The following GRIP1 variants were observed in gnomAD, a reference collection of about 807,000 sequenced individuals.
GRIP1 encodes glutamate receptor interacting protein 1, also known as glutamate receptor-interacting protein 1.
In GRIP1, 45 loss-of-function variants were observed where a neutral mutation model predicts 129.9. The observed-to-expected ratio is 0.35, with a 90% CI of 0.27 to 0.44. GRIP1 has a LOEUF of 0.44. Among genes scored for constraint, GRIP1 ranks in the 20% least tolerant of loss-of-function variants. GRIP1 has a pLI of 1.00. For synonymous variants in GRIP1, 530 were observed against 520.8 expected (o/e 1.02, Z -0.24); for missense variants, 1,196 against 1,396.8 (o/e 0.86, Z 2.29).
intron 2 of GRIP1, among the ~76,000 whole-genome samples, chr12:66,595,145 G>A (rs1436934878): frequency 1.3e-5 from 2 of 152,094 alleles, no homozygotes; most frequent in Non-Finnish European, 2.9e-5. Flanking sequence ...TTCTATCAAT[G>A]GTCAAGCTCC....
intron 17 of GRIP1, among the ~76,000 whole-genome samples, chr12:66,393,169 ATTTTTTTTTTTTT>A (rs60982107): frequency 1.3e-4 from 10 of 78,844 alleles, no homozygotes; most frequent in African/African-American, 4.9e-4. Flanking sequence ...CTTTCTACAG[ATTTTTTTTTTTTT>A]TTTTTTTTTT....
intron 1 of GRIP1, among the ~76,000 whole-genome samples, chr12:66,995,181 T>TA (rs545872322): frequency 0.044 from 6,108 of 139,132 alleles, 360 homozygotes; most frequent in African/African-American, 0.14. Flanking sequence ...TCATGCCATC[T>TA]AAAAAAAAAA....
chr12:66,887,690 TAAGA>T lies in GRIP1; in HGVS notation c.58+181356_58+181359del, dbSNP rs777015400. On this transcript the variant is annotated intron_variant, in intron 1 of 1. Coordinates refer to the GRIP1 transcript ENST00000643019. The stretch of plus-strand genomic sequence containing the variant: ...TTCTATTCTAAAATACAAAATCTCT[TAAGA>T]AACTAACCTCTAAGAAATGATTATA... Among the ~76,000 whole-genome samples the T allele has an allele frequency of 2.1e-3, 321 of 152,354 alleles. 1 individual carries two copies. The highest frequency in any genetic ancestry group is 3.6e-3 in the Non-Finnish European group (242 of 68,024).
intron 5 of GRIP1, among the ~76,000 whole-genome samples, chr12:66,524,992 T>C (rs1381486497): frequency 4.6e-5 from 7 of 152,118 alleles, no homozygotes; most frequent in Non-Finnish European, 1.0e-4. Context: ...AGAAGTTGAA[T>C]CTCTGAATAG....
chr12:66,956,336 T>C (rs1005308205), intron 1 of GRIP1, among the ~76,000 whole-genome samples: 2 of 152,312 alleles, frequency 1.3e-5, no homozygotes, highest in African/African-American at 4.8e-5. Context: ...GCTGGGGTTA[T>C]AGACTTTGGA....
chr12:66,617,404 G>A (rs899554892), intron 1 of GRIP1, among the ~76,000 whole-genome samples: 5 of 151,588 alleles, frequency 3.3e-5, no homozygotes, highest in African/African-American at 1.2e-4. Flanking sequence ...TTACAAGAAT[G>A]ATGTTTAATC....
At chr12:66,677,936 T>C (rs1431317491) in intron 1 of GRIP1, among the ~76,000 whole-genome samples, 1 of 152,140 alleles carries the variant, frequency 6.6e-6, no homozygotes, top group Non-Finnish European at 1.5e-5. Context: ...TACTCTATAT[T>C]ACAGGCTGAA....
intron 1 of GRIP1, among the ~76,000 whole-genome samples, chr12:66,625,014 T>TA (rs397750657): frequency 2.0e-5 from 3 of 151,536 alleles, no homozygotes; most frequent in Non-Finnish European, 4.4e-5. Flanking sequence ...TTTTTTTTTT[T>TA]AAATAGGTTT....
At chr12:66,466,465 A>T (rs751336236) in intron 7 of GRIP1, among the ~76,000 whole-genome samples, 1 of 152,254 alleles carries the variant, frequency 6.6e-6, no homozygotes, top group East Asian at 1.9e-4. Context: ...CACAGACACA[A>T]GGGAAAGAGT....
intron 1 of GRIP1, among the ~76,000 whole-genome samples, chr12:66,697,841 A>G (rs1318386204): frequency 1.3e-5 from 2 of 152,176 alleles, no homozygotes; most frequent in South Asian, 2.1e-4. Flanking sequence ...TCTCATGTCT[A>G]TATATTAGAC....
chr12:66,797,649 A>G (rs2038739432), intron 1 of GRIP1, among the ~76,000 whole-genome samples: 1 of 152,208 alleles, frequency 6.6e-6, no homozygotes, highest in Non-Finnish European at 1.5e-5. Context: ...TTTCCAAATA[A>G]GAGCTTACCA....
intron 5 of GRIP1, 93 bp from the exon 6 acceptor site, chr12:66,518,069 T>C: frequency 1.2e-6 from 1 of 806,756 alleles, no homozygotes; most frequent in Non-Finnish European, 2.2e-6. Flanking sequence ...AATGTCCTAC[T>C]TGATGTACGG....
chr12:66,882,783 T>C (rs1566063778), intron 1 of GRIP1, among the ~76,000 whole-genome samples: 1 of 152,192 alleles, frequency 6.6e-6, no homozygotes, highest in African/African-American at 2.4e-5. Context: ...ACCTTCCCCA[T>C]GGTCTCCTTT....
chr12:66,929,091 C>T (rs962406252), intron 1 of GRIP1, among the ~76,000 whole-genome samples: 4 of 152,200 alleles, frequency 2.6e-5, no homozygotes, highest in African/African-American at 9.6e-5. Flanking sequence ...ATAGCAGTCT[C>T]TCCAAATGCT....
intron 1 of GRIP1, among the ~76,000 whole-genome samples, chr12:66,860,433 G>A (rs999440145): frequency 3.3e-5 from 5 of 152,022 alleles, no homozygotes; most frequent in Non-Finnish European, 4.4e-5. Context: ...ACAATAATCC[G>A]ATACAATTTA....
At chr12:66,721,202 G>A (rs1317295275) in intron 1 of GRIP1, among the ~76,000 whole-genome samples, 1 of 152,062 alleles carries the variant, frequency 6.6e-6, no homozygotes. Flanking sequence ...CTTTTTTTCT[G>A]AGCAGATCTC....
At chr12:66,913,618 C>A (rs1033603014) in intron 1 of GRIP1, among the ~76,000 whole-genome samples, 2 of 152,094 alleles carry the variant, frequency 1.3e-5, no homozygotes, top group African/African-American at 2.4e-5. Flanking sequence ...GTTAAAATAA[C>A]AACAGCTTTG....
intron 5 of GRIP1, among the ~76,000 whole-genome samples, chr12:66,520,257 T>G (rs185002683): frequency 4.2e-4 from 64 of 152,336 alleles, no homozygotes; most frequent in African/African-American, 1.4e-3. Flanking sequence ...TCACAGCACT[T>G]TCTCATTCTG....
chr12:66,507,056 C>G (rs1724361772), intron 7 of GRIP1, among the ~76,000 whole-genome samples: 1 of 152,152 alleles, frequency 6.6e-6, no homozygotes, highest in Admixed American at 6.5e-5. Flanking sequence ...AAGTCGGTAA[C>G]CCACAAGGAA....
Sources: gnomAD v4.1 joint callset for allele counts (sites outside exome capture counted in the v4.1 genomes callset) on GRCh38, gnomAD v4.1.1 for gene constraint, MANE v1.5 for transcripts, NCBI Gene and HGNC (gene_info 2026-07-23, HGNC 2026-07-21) for gene names.